LOX: variants seen among roughly 807,000 people sequenced by gnomAD.
LOX encodes the protein protein-lysine 6-oxidase.
In LOX, 12 loss-of-function variants were observed where a neutral mutation model predicts 50.5. The ratio of observed to expected loss-of-function variants is 0.24; its 90% CI spans 0.15 to 0.38. LOX has a LOEUF of 0.38. Ranked by LOEUF, LOX falls within the 10% of genes least tolerant of loss-of-function variation. LOX has a pLI of 1.00. For synonymous variants in LOX, 254 were observed against 230.6 expected, an observed-to-expected ratio of 1.10 and a Z score of -0.92; for missense variants, 504 against 563.8, an observed-to-expected ratio of 0.89 and a Z score of 1.07.
At chr5:122,075,266 A>C in intron 3 of LOX, 138 bp downstream of exon 3, 1 of 748,958 alleles carries the variant, frequency 1.3e-6, no homozygotes, top group South Asian at 2.4e-5. Flanking sequence ...ATGTGAAATT[A>C]CATAGAGAAA....
chr5:122,075,432 A>ATCTT lies in LOX; in HGVS notation c.846_849dup (p.Tyr284LysfsTer18). 6.2e-7 allele frequency: 1 copy of ATCTT among 1,613,730 alleles called. No individual in the cohort carries two copies. Among genetic ancestry groups the ATCTT allele is most frequent in the Non-Finnish European group, 8.5e-7 (1 of 1,179,810 alleles). On this transcript the variant is annotated frameshift_variant, in exon 3 of 7. Coordinates refer to ENST00000231004, the MANE Select transcript of LOX (RefSeq NM_002317.7). LOFTEE classifies it high-confidence loss of function. Reference sequence around the variant, plus strand: ...TGACAACTGTGCCATTCCCAGGAATATCTTGGTCGGCTGGGTAAGAAATCT... The same window carrying ATCTT: ...TGACAACTGTGCCATTCCCAGGAATATCTTTCTTGGTCGGCTGGGTAAGAAATCT...
At position 122,077,331 on chromosome 5, in the gene LOX, T is replaced by A. The variant is rs1240659270; in HGVS notation, c.631+24A>T. On this transcript the variant is annotated intron_variant, in intron 1 of 6. Transcript: ENST00000231004. This position sits in a 1 kb window ranked among gnomAD's most constrained non-coding sequence, Gnocchi z 4.9. Reference sequence around the variant, plus strand: ...GCTGGGGACCAGGTGCACGGGTGCTTCCAGCGGACTTGGGGGTACTTACCG... The same window carrying A: ...GCTGGGGACCAGGTGCACGGGTGCTACCAGCGGACTTGGGGGTACTTACCG... The A allele has an allele frequency of 1.2e-6, 2 of 1,613,344 alleles. No individual in the cohort carries two copies. Among genetic ancestry groups the A allele is most frequent in the Non-Finnish European group, 8.5e-7 (1 of 1,179,906 alleles).
chr5:122,077,762 G>A lies in LOX; in HGVS notation c.224C>T (p.Ala75Val), dbSNP rs1561421528. Reference protein sequence around the residue: ...QPQRRRDPGAAVPGAANASAQ... With the variant: ...QPQRRRDPGAVVPGAANASAQ... ...GGAGGCGTTGGCTGCACCAGGGACG[G>A]CGGCGCCCGGGTCCCGGCGGCGCTG... The change falls in exon 1 of 7, where the codon GCC becomes GTC. Residue 75 changes from alanine (A) to valine (V), a missense_variant. By Grantham distance (64) the Ala-to-Val change is moderately conservative (BLOSUM62 0). This residue lies in a region of LOX where 398 missense variants were observed against 365.8 expected (regional missense o/e 1.09). Coordinates refer to ENST00000231004, the MANE Select transcript of LOX (RefSeq NM_002317.7). The surrounding 1 kb of genome is among the most constrained non-coding windows in gnomAD (Gnocchi z 4.9). 5.2e-6 allele frequency: 8 copies of A among 1,552,976 alleles called. 1 individual carries two copies. Among genetic ancestry groups the A allele is most frequent in the Non-Finnish European group, 6.1e-6 (7 of 1,153,800 alleles).
chr5:122,068,583 G>C (rs1331471352), intron 6 of LOX, among the ~76,000 whole-genome samples: 1 of 152,118 alleles, frequency 6.6e-6, no homozygotes, highest in Non-Finnish European at 1.5e-5. Flanking sequence ...AGGCTGCAAG[G>C]TGGCAGACCT....
Position 122,077,086 on chromosome 5 carries a change from C to T in LOX, c.632-85G>A, listed in dbSNP as rs1007224581. On this transcript the variant is annotated intron_variant, in intron 1 of 6. Transcript: ENST00000231004. This position sits in a 1 kb window ranked among gnomAD's most constrained non-coding sequence, Gnocchi z 4.9. ...TCCCTACCCCTCTAGGTCCCTTACT[C>T]CTCACCCTTCGCCCACCGGGACTGC... The T allele has an allele frequency of 2.8e-5, 43 of 1,551,328 alleles. No homozygotes were observed. Among genetic ancestry groups the T allele is most frequent in the Non-Finnish European group, 3.6e-5 (42 of 1,153,052 alleles).
At chr5:122,068,878 A>C (rs1754373682) in intron 6 of LOX, among the ~76,000 whole-genome samples, 1 of 152,080 alleles carries the variant, frequency 6.6e-6, no homozygotes, top group Non-Finnish European at 1.5e-5. Flanking sequence ...AGAAAAAACT[A>C]ATCTGTTTAT....
At chr5:122,074,297 C>T (rs746709153) in intron 3 of LOX, 128 bp from the exon 4 acceptor site, 9 of 719,142 alleles carry the variant, frequency 1.3e-5, no homozygotes, top group African/African-American at 1.8e-5. Context: ...AATTTATCTT[C>T]TAAAAGAGAG....
chr5:122,077,106 G>T lies in LOX; in HGVS notation c.632-105C>A. 3 of 1,519,224 alleles carry T rather than the reference G, an allele frequency of 2.0e-6. No homozygotes were observed. The South Asian group carries it at 3.7e-5, about 19-fold the overall frequency. The allele number at this position is 1,519,224 out of a possible 1,614,324, so 94.1% of individuals were successfully genotyped here. On this transcript the variant is annotated intron_variant, in intron 1 of 6. Coordinates refer to ENST00000231004, the MANE Select transcript of LOX (RefSeq NM_002317.7). This position sits in a 1 kb window ranked among gnomAD's most constrained non-coding sequence, Gnocchi z 4.9. ...TTACTCCTCACCCTTCGCCCACCGGGACTGCAGAGTGGAGCGGAGGACAGC... is the reference window on the plus strand; with the variant it reads ...TTACTCCTCACCCTTCGCCCACCGGTACTGCAGAGTGGAGCGGAGGACAGC...
intron 6 of LOX, among the ~76,000 whole-genome samples, chr5:122,068,993 T>C (rs535928585): frequency 6.6e-6 from 1 of 152,218 alleles, no homozygotes; most frequent in African/African-American, 2.4e-5. Flanking sequence ...CCATAAAACC[T>C]GCCAGGTTTT....
chr5:122,074,794 C>A (rs563455907), intron 3 of LOX, among the ~76,000 whole-genome samples: 1 of 152,136 alleles, frequency 6.6e-6, no homozygotes, highest in African/African-American at 2.4e-5. Flanking sequence ...AAGGAAAAAA[C>A]AATGAGGACT....
intron 2 of LOX, 79 bp downstream of exon 2, chr5:122,076,814 A>G: frequency 1.6e-6 from 2 of 1,239,900 alleles, no homozygotes. Flanking sequence ...TGCGCGAAGC[A>G]GTAGCAGTCA....
chr5:122,064,727 GTC>G lies in LOX; in HGVS notation c.*2014_*2015del, dbSNP rs1754253457. 6.6e-6 allele frequency: 1 copy of G among 151,812 alleles called. No individual in the cohort carries two copies. The highest frequency in any genetic ancestry group is 6.6e-5 in the Admixed American group (1 of 15,226). The allele number at this position is 151,812 out of a possible 1,614,324, so 9.4% of individuals were successfully genotyped here. A position where few individuals can be genotyped will look rare whatever the true frequency, so the allele number is the denominator to read the frequency against. ...TGAGGTTATAGACAGTCTTTTTTAT[GTC>G]TCAATGCATACCATGTGAGTACTTG... On this transcript the variant is annotated 3_prime_UTR_variant, in exon 7 of 7. Transcript: ENST00000231004.
At chr5:122,072,832 C>G (rs757297153) in intron 4 of LOX, among the ~76,000 whole-genome samples, 7 of 152,200 alleles carry the variant, frequency 4.6e-5, no homozygotes, top group Non-Finnish European at 7.3e-5. Context: ...ACAATCCCAG[C>G]TTCAAATATT....
rs775925854 is a variant in LOX, at chr5:122,077,795, T to C, written c.191A>G (p.Tyr64Cys). Reference sequence around the variant, plus strand: ...CGGGTCCCGGCGGCGCTGAGGCTGGTACTGTGAGCCCAGGCTCAGCAAGCT... The same window carrying C: ...CGGGTCCCGGCGGCGCTGAGGCTGGCACTGTGAGCCCAGGCTCAGCAAGCT... ...VFSLLSLGSQ[Y>C]QPQRRRDPGA... Residue 64 changes from tyrosine (Y) to cysteine (C), a missense_variant, in exon 1 of 7, where the codon TAC becomes TGC. Physicochemically the swap from Tyr to Cys is radical, Grantham distance 194 (BLOSUM62 -2). This residue lies in a region of LOX where 398 missense variants were observed against 365.8 expected (regional missense o/e 1.09). Coordinates refer to ENST00000231004, the MANE Select transcript of LOX (RefSeq NM_002317.7). This position sits in a 1 kb window ranked among gnomAD's most constrained non-coding sequence, Gnocchi z 4.9. The C allele has an allele frequency of 1.3e-6, 2 of 1,549,460 alleles. No individual in the cohort carries two copies. Among genetic ancestry groups the C allele is most frequent in the South Asian group, 2.4e-5 (2 of 84,816 alleles).
At position 122,077,778 on chromosome 5, in the gene LOX, G is replaced by A. The variant is rs1225418866; in HGVS notation, c.208C>T (p.Arg70Trp). The change falls in exon 1 of 7, where the codon CGG becomes TGG. Residue 70 changes from arginine (R) to tryptophan (W), a missense_variant. This residue lies in a region of LOX where 398 missense variants were observed against 365.8 expected (regional missense o/e 1.09). Coordinates refer to ENST00000231004, the MANE Select transcript of LOX (RefSeq NM_002317.7). This position sits in a 1 kb window ranked among gnomAD's most constrained non-coding sequence, Gnocchi z 4.9. ...CCAGGGACGGCGGCGCCCGGGTCCC[G>A]GCGGCGCTGAGGCTGGTACTGTGAG... The part of the protein sequence containing the change: ...LGSQYQPQRR[R>W]DPGAAVPGAA... The A allele has an allele frequency of 6.5e-7, 1 of 1,548,948 alleles. No individual in the cohort carries two copies. The highest frequency in any genetic ancestry group is 1.7e-4 in the Middle Eastern group (1 of 5,914).
chr5:122,063,795 A>G lies in LOX; in HGVS notation c.*2948T>C, dbSNP rs972920730. 1.3e-5 allele frequency: 2 copies of G among 151,946 alleles called. No individual in the cohort carries two copies. Among genetic ancestry groups the G allele is most frequent in the African/African-American group, 4.8e-5 (2 of 41,426 alleles). The allele number at this position is 151,946 out of a possible 1,614,324, so 9.4% of individuals were successfully genotyped here. On this transcript the variant is annotated 3_prime_UTR_variant, in exon 7 of 7. Transcript: ENST00000231004. ...TAACTCTCAGTGCCAGGAAAATTTTAATGAATTGCATTTCTTCTAGAATCC... is the reference window on the plus strand; with the variant it reads ...TAACTCTCAGTGCCAGGAAAATTTTGATGAATTGCATTTCTTCTAGAATCC...
rs2152584798 is a variant in LOX, at chr5:122,066,713, AT to A, written c.*29del. 6.3e-7 allele frequency: 1 copy of A among 1,592,574 alleles called. No individual in the cohort carries two copies. Among genetic ancestry groups the A allele is most frequent in the South Asian group, 1.1e-5 (1 of 90,446 alleles). ...TCCCACTTCAGAACACCAGGCACTG[AT>A]TTATCCATTGGGAGTTTTGCTTTGC... On this transcript the variant is annotated 3_prime_UTR_variant, in exon 7 of 7. Coordinates refer to ENST00000231004, the MANE Select transcript of LOX (RefSeq NM_002317.7).
In LOX at chr5:122,078,186, CT is replaced by C; in HGVS notation, c.-202del. On this transcript the variant is annotated 5_prime_UTR_variant, in exon 1 of 7. Transcript: ENST00000231004. ...AAGGCGGCTGCTCGGACGTGGCACC[CT>C]TCCCTTTCCCCTTTCTCAGTCCTGG... is the stretch of plus-strand genomic sequence containing the variant. The C allele has an allele frequency of 2.2e-6, 1 of 464,128 alleles. No individual in the cohort carries two copies. The highest frequency in any genetic ancestry group is 3.6e-6 in the Non-Finnish European group (1 of 274,530). 28.8% of individuals were successfully genotyped at this position (464,128 alleles called of 1,614,324 possible).
rs2152582944 is a variant in LOX, at chr5:122,063,755, C to G, written c.*2988G>C. 6.6e-6 allele frequency: 1 copy of G among 151,974 alleles called. No homozygotes were observed. The highest frequency in any genetic ancestry group is 2.1e-4 in the South Asian group (1 of 4,820). The allele number at this position is 151,974 out of a possible 1,614,324, so 9.4% of individuals were successfully genotyped here. The stretch of plus-strand genomic sequence containing the variant: ...TTACCAGGAATTCAGTATTTTCATG[C>G]AATCTGCTAAAGATTAACTCTCAGT... On this transcript the variant is annotated 3_prime_UTR_variant, in exon 7 of 7. Coordinates refer to ENST00000231004, the MANE Select transcript of LOX (RefSeq NM_002317.7).
Sources: gnomAD v4.1 joint callset for allele counts (sites outside exome capture counted in the v4.1 genomes callset) on GRCh38, gnomAD v4.1.1 for gene constraint, gnomAD v4.1.1 regional missense constraint, Gnocchi (gnomAD v3.1) non-coding constraint, MANE v1.5 for transcripts, NCBI Gene and HGNC (gene_info 2026-07-23, HGNC 2026-07-21) for gene names.